PITPNM1: variants seen among roughly 807,000 people sequenced by gnomAD.
PITPNM1 encodes the protein membrane-associated phosphatidylinositol transfer protein 1.
PITPNM1 carries 74 observed loss-of-function variants against 133.3 expected under a neutral mutation model. The observed-to-expected ratio is 0.56, with a 90% CI of 0.46 to 0.67. The LOEUF is 0.67. Ranked by LOEUF, PITPNM1 falls within the 30% of genes least tolerant of loss-of-function variation. The pLI, the probability that PITPNM1 is intolerant of heterozygous loss-of-function variation, is 0.00. For missense variants in PITPNM1, 1,398 were observed against 1,739.5 expected (o/e 0.80, Z 3.49); for synonymous variants, 738 against 741.4 (o/e 1.00, Z 0.08).
chr11:67,497,535 C>A lies in PITPNM1; in HGVS notation c.1927G>T (p.Gly643Cys). ...CAGGGACGTCACCTGTTCTGAGAGC[C>A]CTCGGGCTCAGGACTGGCCATGTCG... ...PSDMASPEPE[G>C]SQNSLQAAPA... Residue 643 changes from glycine (G) to cysteine (C), a missense_variant, in exon 13 of 24, where the codon GGC (glycine) becomes TGC (cysteine). By Grantham distance (159) the Gly-to-Cys change is radical. This residue lies in a region of PITPNM1 where 574 missense variants were observed against 698.7 expected (regional missense o/e 0.82). Coordinates refer to ENST00000356404, the MANE Select transcript of PITPNM1 (RefSeq NM_004910.3). The A allele has an allele frequency of 6.2e-7, 1 of 1,608,792 alleles. No individual in the cohort carries two copies. Among genetic ancestry groups the A allele is most frequent in the Non-Finnish European group, 8.5e-7 (1 of 1,178,402 alleles).
Position 67,492,253 on chromosome 11 carries a change from G to A in PITPNM1, c.3515C>T (p.Ala1172Val), listed in dbSNP as rs139473273. The A allele has an allele frequency of 3.0e-5, 48 of 1,595,634 alleles. No homozygotes were observed. The highest frequency in any genetic ancestry group is 1.7e-4 in the Middle Eastern group (1 of 5,972). The change falls in exon 24 of 24, where the codon GCG becomes GTG. Residue 1172 changes from alanine to valine, a missense_variant. Ala to Val is a moderately conservative substitution (Grantham distance 64). Transcript: ENST00000356404. ...GYVAHLGQLE[A>V]GSHSHASSGP... ...CGAGGAGGCATGCGAGTGCGAGCCCGCTTCCAGCTGGCCCAGGTGGGCCAC... is the reference window on the plus strand; with the variant it reads ...CGAGGAGGCATGCGAGTGCGAGCCCACTTCCAGCTGGCCCAGGTGGGCCAC...
chr11:67,496,555 T>C, intron 14 of PITPNM1: 2 of 523,182 alleles, frequency 3.8e-6, no homozygotes, highest in Non-Finnish European at 6.6e-6. Flanking sequence ...ATCCCAGTAC[T>C]GCGGGAGGCA....
At position 67,502,095 on chromosome 11, in the gene PITPNM1, G is replaced by T; in HGVS notation, c.416-9C>A. The stretch of plus-strand genomic sequence containing the variant: ...CACGATGTCGATGGTGTCTGAGGGA[G>T]TTCGGCAAGCATTGAGCAGCGCCAG... On this transcript the variant is annotated splice_polypyrimidine_tract_variant and intron_variant, in intron 4 of 23. Transcript: ENST00000356404. The surrounding 1 kb of genome is among the most constrained non-coding windows in gnomAD (Gnocchi z 5.9). 6.2e-7 allele frequency: 1 copy of T among 1,608,648 alleles called. No homozygotes were observed. Among genetic ancestry groups the T allele is most frequent in the Non-Finnish European group, 8.5e-7 (1 of 1,177,010 alleles).
chr11:67,500,303 G>T lies in PITPNM1; in HGVS notation c.759C>A (p.Ala253=). The T allele has an allele frequency of 6.2e-7, 1 of 1,611,344 alleles. No individual in the cohort carries two copies. Residue 253 remains alanine, a synonymous_variant, in exon 6 of 24, where the codon GCC becomes GCA. Transcript: ENST00000356404. ...CTGTGTTGCACTTGGCCATGCGCTG[G>T]GCCAGCATGCGAGCAGTCTCCTCTT... ...ALEEETARML[A]QRMAKCNTGS...
At position 67,502,197 on chromosome 11, in the gene PITPNM1, G is replaced by A; in HGVS notation, c.415+95C>T. On this transcript the variant is annotated intron_variant, in intron 4 of 23. Transcript: ENST00000356404. This position sits in a 1 kb window ranked among gnomAD's most constrained non-coding sequence, Gnocchi z 5.9. The stretch of plus-strand genomic sequence containing the variant: ...CGTCCTTTTGCAGACAGGACATGAG[G>A]CCTGGAGAGGGCTGGGACTTCTCAG... 3.2e-6 allele frequency: 5 copies of A among 1,561,976 alleles called. No individual in the cohort carries two copies. The highest frequency in any genetic ancestry group is 4.4e-6 in the Non-Finnish European group (5 of 1,148,490).
chr11:67,500,117 G>A lies in PITPNM1; in HGVS notation c.945C>T (p.Ser315=), dbSNP rs781741827. Residue 315 remains serine (S), a synonymous_variant, in exon 6 of 24, where the codon TCC becomes TCT. Coordinates refer to ENST00000356404, the MANE Select transcript of PITPNM1 (RefSeq NM_004910.3). ...CACCTCCATGTTGGGATGAGTAGGA[G>A]GAACGGGAGGATGAGGACCACTGCT... ...FGKQWSSSSR[S]SYSSQHGGAV... The A allele has an allele frequency of 6.3e-7, 1 of 1,593,066 alleles. No individual in the cohort carries two copies. Among genetic ancestry groups the A allele is most frequent in the East Asian group, 2.2e-5 (1 of 44,478 alleles).
In PITPNM1 at chr11:67,495,487, G is replaced by A; in HGVS notation, c.2433C>T (p.Asp811=). The A allele has an allele frequency of 1.3e-6, 2 of 1,566,958 alleles. No homozygotes were observed. Among genetic ancestry groups the A allele is most frequent in the Admixed American group, 4.0e-5 (2 of 50,224 alleles). ...AFWKGSELAT[D]PPAQPAAPST... ...TGGGGGCGGCTGGCTGGGCCGGGGG[G>A]TCAGTGGCCAACTCACTGCCCTTCC... Residue 811 remains aspartate (D), a synonymous_variant, in exon 16 of 24, where the codon GAC becomes GAT. Coordinates refer to ENST00000356404, the MANE Select transcript of PITPNM1 (RefSeq NM_004910.3).
rs1219933354 is a variant in PITPNM1 at position 67,502,455 on chromosome 11, A to G, written c.294-42T>C. Reference sequence around the variant, plus strand: ...GGTGAGGCTCACTGCTGTACCCACCAGGGCCGCTCCCCTCCTGGCCTCGGA... The same window carrying G: ...GGTGAGGCTCACTGCTGTACCCACCGGGGCCGCTCCCCTCCTGGCCTCGGA... On this transcript the variant is annotated intron_variant, in intron 3 of 23. Transcript: ENST00000356404. This position sits in a 1 kb window ranked among gnomAD's most constrained non-coding sequence, Gnocchi z 5.9. 2 of 1,613,618 alleles carry G rather than the reference A, an allele frequency of 1.2e-6. No individual in the cohort carries two copies. The highest frequency in any genetic ancestry group is 2.2e-5 in the South Asian group (2 of 91,080).
At chr11:67,496,828 C>A (rs1295911708) in intron 14 of PITPNM1, 3 of 186,322 alleles carry the variant, frequency 1.6e-5, no homozygotes, top group Non-Finnish European at 3.3e-5. Context: ...ATCCCAGTTA[C>A]TTGGGATGCT....
chr11:67,491,902 G>T lies in PITPNM1; in HGVS notation c.*131C>A. ...AGGGAAGTAACACCGAGGAGCACAC[G>T]GAGATATAGGGTGTGGGGCTGGGGG... On this transcript the variant is annotated 3_prime_UTR_variant, in exon 24 of 24. Transcript: ENST00000356404. 1 of 984,056 alleles carries T rather than the reference G, an allele frequency of 1.0e-6. No homozygotes were observed. Among genetic ancestry groups the T allele is most frequent in the Non-Finnish European group, 1.5e-6 (1 of 676,912 alleles). 61.0% of individuals were successfully genotyped at this position (984,056 alleles called of 1,614,324 possible). A position where few individuals can be genotyped will look rare whatever the true frequency, so the allele number is the denominator to read the frequency against.
Position 67,494,921 on chromosome 11 carries a change from G to T in PITPNM1, c.2667C>A (p.Cys889Ter), listed in dbSNP as rs1304063556. Reference protein sequence around the residue: ...IEKERPQLAECEEPSIYSPAF... With the variant: ...IEKERPQLAE ...CCGGGCTGTAGATGGACGGCTCCTC[G>T]CATTCCGCCAGCTGTGGCCGCTCCT... Residue 889 changes from cysteine (C) to a stop codon, truncating the protein, a stop_gained, in exon 18 of 24, where the codon TGC (cysteine) becomes TGA (stop). Transcript: ENST00000356404. LOFTEE classifies it high-confidence loss of function. The T allele has an allele frequency of 6.2e-7, 1 of 1,612,844 alleles. No homozygotes were observed. The highest frequency in any genetic ancestry group is 1.3e-5 in the African/African-American group (1 of 74,990).
chr11:67,494,639 C>T (rs1866048439), intron 18 of PITPNM1, among the ~76,000 whole-genome samples: 2 of 151,996 alleles, frequency 1.3e-5, no homozygotes, highest in Admixed American at 1.3e-4. Context: ...ACCCAAACTT[C>T]CCGCAGAGGG....
At chr11:67,501,340 C>T (rs961370551) in intron 5 of PITPNM1, among the ~76,000 whole-genome samples, 8 of 152,236 alleles carry the variant, frequency 5.3e-5, no homozygotes, top group South Asian at 2.1e-4. Flanking sequence ...GGGACCATCC[C>T]TCTGTGTGCA....
At chr11:67,494,470 G>C (rs1197097005) in intron 18 of PITPNM1, 110 bp from the exon 19 acceptor site, 7 of 761,624 alleles carry the variant, frequency 9.2e-6, no homozygotes, top group Non-Finnish European at 4.1e-6. Flanking sequence ...GCCTAGAGGC[G>C]GCGGGGCATT....
At chr11:67,499,681 T>C (rs1057455501) in intron 8 of PITPNM1, 42 bp downstream of exon 8, 1 of 1,083,974 alleles carries the variant, frequency 9.2e-7, no homozygotes, top group Non-Finnish European at 1.3e-6. Context: ...TGACCTGCTG[T>C]ACACGGGTGC....
rs368944746 is a variant in PITPNM1, at chr11:67,504,193, C to T, written c.-13G>A. The T allele has an allele frequency of 7.7e-6, 12 of 1,568,192 alleles. No individual in the cohort carries two copies. The African/African-American group carries it at 1.2e-4, about 16-fold the overall frequency. ...CCTTGATGAGCATCCTGAAGGCGCT[C>T]GGCGGGCCGCGCGCGGCCTCCGCTC... On this transcript the variant is annotated 5_prime_UTR_variant, in exon 2 of 24. Transcript: ENST00000356404. This position sits in a 1 kb window ranked among gnomAD's most constrained non-coding sequence, Gnocchi z 5.4.
chr11:67,504,023 G>C lies in PITPNM1; in HGVS notation c.78+80C>G. The C allele has an allele frequency of 8.9e-7, 1 of 1,122,494 alleles. No homozygotes were observed. Among genetic ancestry groups the C allele is most frequent in the Non-Finnish European group, 1.3e-6 (1 of 791,972 alleles). The allele number at this position is 1,122,494 out of a possible 1,614,324, so 69.5% of individuals were successfully genotyped here. On this transcript the variant is annotated intron_variant, in intron 2 of 23. Coordinates refer to ENST00000356404, the MANE Select transcript of PITPNM1 (RefSeq NM_004910.3). The surrounding 1 kb of genome is among the most constrained non-coding windows in gnomAD (Gnocchi z 5.4). ...TCTTGCCTCCTCCGGGCTCCCAGCC[G>C]GTCCCAGCCCCGGGGCAGGGCTGGC...
Position 67,494,350 on chromosome 11 carries a change from G to C in PITPNM1, c.2753C>G (p.Ser918Cys), listed in dbSNP as rs751736319. ...RTQVKIRNVTSNHRASDTVVC... is the reference protein window; with the variant it reads ...RTQVKIRNVTCNHRASDTVVC... ...CACCGTGTCGCTCGCCCGGTGGTTGGAAGTGACGTTCTAGAGGGAGGAGAG... is the reference window on the plus strand; with the variant it reads ...CACCGTGTCGCTCGCCCGGTGGTTGCAAGTGACGTTCTAGAGGGAGGAGAG... Residue 918 changes from serine (S) to cysteine (C), a missense_variant, in exon 19 of 24, where the codon TCC becomes TGC. Physicochemically the swap from Ser to Cys is moderately radical, Grantham distance 112. Around this residue, in one of 5 missense-constraint regions of PITPNM1, gnomAD observed 233 missense variants for 378.0 expected, o/e 0.62. Coordinates refer to ENST00000356404, the MANE Select transcript of PITPNM1 (RefSeq NM_004910.3). 3 of 1,604,522 alleles carry C rather than the reference G, an allele frequency of 1.9e-6. No individual in the cohort carries two copies. Among genetic ancestry groups the C allele is most frequent in the Middle Eastern group, 3.3e-4 (2 of 6,008 alleles).
In PITPNM1 at chr11:67,502,691, C is replaced by A; in HGVS notation, c.106G>T (p.Glu36Ter). ...QKKSREESSG[E>*]GSGVEILANR... is the part of the protein sequence containing the mutation. ...GCCAGGATCTCCACGCCGCTGCCCT[C>A]ACCACTAGACTCCTCCCGGCTCTTT... The change falls in exon 3 of 24, where the codon GAG (glutamate) becomes TAG (stop). Residue 36 changes from glutamate (E) to a stop codon, truncating the protein, a stop_gained. Coordinates refer to ENST00000356404, the MANE Select transcript of PITPNM1 (RefSeq NM_004910.3). LOFTEE classifies it high-confidence loss of function. The surrounding 1 kb of genome is among the most constrained non-coding windows in gnomAD (Gnocchi z 5.9). 1 of 1,613,232 alleles carries A rather than the reference C, an allele frequency of 6.2e-7. No homozygotes were observed. Among genetic ancestry groups the A allele is most frequent in the Non-Finnish European group, 8.5e-7 (1 of 1,179,800 alleles).
Sources: gnomAD v4.1 joint callset for allele counts (sites outside exome capture counted in the v4.1 genomes callset) on GRCh38, gnomAD v4.1.1 for gene constraint, gnomAD v4.1.1 regional missense constraint, Gnocchi (gnomAD v3.1) non-coding constraint, MANE v1.5 for transcripts, NCBI Gene and HGNC (gene_info 2026-07-23, HGNC 2026-07-21) for gene names.